C9orf85: variants seen among roughly 807,000 people sequenced by gnomAD.
C9orf85 encodes uncharacterized protein C9orf85.
In C9orf85, 16 loss-of-function variants were observed where a neutral mutation model predicts 14.9. That is an observed-to-expected ratio of 1.08 (90% confidence interval 0.73 to 1.63). The LOEUF is 1.63. Among genes scored for constraint, C9orf85 ranks in the 40% most tolerant of loss-of-function variants. The pLI, the probability that C9orf85 is intolerant of heterozygous loss-of-function variation, is 0.00. For synonymous variants in C9orf85, 45 were observed against 56.8 expected, an observed-to-expected ratio of 0.79 and a Z score of 0.93; for missense variants, 172 against 186.1, an observed-to-expected ratio of 0.92 and a Z score of 0.44.
chr9:71,951,057 A>C (rs912531128), intron 2 of C9orf85, among the ~76,000 whole-genome samples: 1 of 152,174 alleles, frequency 6.6e-6, no homozygotes, highest in Non-Finnish European at 1.5e-5. Flanking sequence ...CATGGGAAAC[A>C]AAAATTTTAC....
At chr9:71,919,227 C>T (rs901583932) in intron 1 of C9orf85, among the ~76,000 whole-genome samples, 1 of 152,194 alleles carries the variant, frequency 6.6e-6, no homozygotes, top group African/African-American at 2.4e-5. Context: ...CCTGTCTCCC[C>T]ATGCCCAGAG....
chr9:71,918,618 G>A lies in C9orf85; in HGVS notation c.102+6782G>A, dbSNP rs935686323. 1.7e-5 allele frequency: 6 copies of A among 352,058 alleles called. No homozygotes were observed. In the East Asian group the frequency reaches 2.6e-4, roughly 15 times the overall value. 21.8% of individuals were successfully genotyped at this position (352,058 alleles called of 1,614,324 possible). On this transcript the variant is annotated intron_variant, in intron 1 of 3. Transcript: ENST00000334731. Reference sequence around the variant, plus strand: ...CCCCAACTCTCACATTACCACCTGAGTTCTGCCTCCTGTCAGATCAGCTCT... The same window carrying A: ...CCCCAACTCTCACATTACCACCTGAATTCTGCCTCCTGTCAGATCAGCTCT...
intron 2 of C9orf85, among the ~76,000 whole-genome samples, chr9:71,968,835 G>A (rs1334895535): frequency 1.3e-5 from 2 of 152,150 alleles, no homozygotes; most frequent in Non-Finnish European, 1.5e-5. Flanking sequence ...TCCCCTATTG[G>A]CTAGGGTTGG....
At chr9:71,940,543 A>G (rs1564089484) in intron 1 of C9orf85, among the ~76,000 whole-genome samples, 1 of 152,220 alleles carries the variant, frequency 6.6e-6, no homozygotes, top group African/African-American at 2.4e-5. Context: ...ATGAAATAAT[A>G]CTACATACCT....
chr9:71,947,461 TA>T (rs933844627), intron 2 of C9orf85, among the ~76,000 whole-genome samples: 2 of 152,178 alleles, frequency 1.3e-5, no homozygotes, highest in Non-Finnish European at 2.9e-5. Flanking sequence ...TATCAATTCT[TA>T]AAACGGATCA....
chr9:71,964,915 G>A (rs897826881), intron 2 of C9orf85, among the ~76,000 whole-genome samples: 4 of 152,202 alleles, frequency 2.6e-5, no homozygotes, highest in Admixed American at 1.3e-4. Context: ...ACTTAGCCGT[G>A]CAGGAACAAT....
downstream of C9orf85, chr9:71,983,776 G>A (rs1182919050): frequency 6.6e-6 from 1 of 152,180 alleles, no homozygotes; most frequent in Admixed American, 6.5e-5. Context: ...TCTGTATTGG[G>A]TCTATTGTGG....
At chr9:71,975,390 A>G (rs138331455), downstream of C9orf85, among the ~76,000 whole-genome samples, 210 of 151,666 alleles carry the variant, frequency 1.4e-3, 1 homozygote, top group Middle Eastern at 0.01. Context: ...GCAGTGAGCC[A>G]AGATCGCGCC....
intron 1 of C9orf85, among the ~76,000 whole-genome samples, chr9:71,912,381 GGACTTCTGTA>G (rs1827528463): frequency 6.6e-6 from 1 of 152,164 alleles, no homozygotes; most frequent in African/African-American, 2.4e-5. Flanking sequence ...ATCTTTAGCA[GGACTTCTGTA>G]AAGTCCTGCT....
chr9:71,912,240 C>T (rs1827522574), intron 1 of C9orf85, among the ~76,000 whole-genome samples: 3 of 152,126 alleles, frequency 2.0e-5, no homozygotes, highest in Admixed American at 2.0e-4. Flanking sequence ...ACCCCAAGCC[C>T]ATAGAGGAAA....
At chr9:71,967,290 ATTCAGTTTCCT>A (rs1349551235) in intron 2 of C9orf85, among the ~76,000 whole-genome samples, 1 of 152,166 alleles carries the variant, frequency 6.6e-6, no homozygotes, top group Non-Finnish European at 1.5e-5. Context: ...TCTTTTCTCT[ATTCAGTTTCCT>A]TTCTACTATC....
At chr9:71,968,113 G>GAGAGA (rs1822749959) in intron 2 of C9orf85, among the ~76,000 whole-genome samples, 1 of 149,728 alleles carries the variant, frequency 6.7e-6, no homozygotes, top group Admixed American at 6.7e-5. Flanking sequence ...GAGAGAGAGA[G>GAGAGA]AGAGAGTGCA....
intron 2 of C9orf85, among the ~76,000 whole-genome samples, chr9:71,967,708 C>A (rs1359485971): frequency 1.4e-5 from 2 of 140,232 alleles, no homozygotes; most frequent in Admixed American, 7.0e-5. Flanking sequence ...ATCTCTATGA[C>A]CTTTCTTTTT....
intron 1 of C9orf85, among the ~76,000 whole-genome samples, chr9:71,917,612 ACT>A (rs1827682355): frequency 1.3e-5 from 2 of 152,108 alleles, no homozygotes; most frequent in African/African-American, 2.4e-5. Context: ...ATGGAATACT[ACT>A]CTGCTATTTT....
At chr9:71,967,939 T>C (rs1335676980) in intron 2 of C9orf85, among the ~76,000 whole-genome samples, 1 of 152,160 alleles carries the variant, frequency 6.6e-6, no homozygotes, top group African/African-American at 2.4e-5. Context: ...AGAGTTGTTA[T>C]AAACGGATGT....
At chr9:71,963,022 C>T (rs1475541866) in intron 2 of C9orf85, among the ~76,000 whole-genome samples, 1 of 152,050 alleles carries the variant, frequency 6.6e-6, no homozygotes, top group African/African-American at 2.4e-5. Flanking sequence ...CGCCATTGCA[C>T]TCCAGCATGG....
At chr9:71,937,082 TAGATTTATC>T (rs1473352748) in intron 1 of C9orf85, among the ~76,000 whole-genome samples, 11 of 152,226 alleles carry the variant, frequency 7.2e-5, no homozygotes, top group African/African-American at 2.7e-4. Context: ...AAAGTTGCGA[TAGATTTATC>T]AGCGCAGTGT....
intron 1 of C9orf85, among the ~76,000 whole-genome samples, chr9:71,920,592 G>A (rs1827771963): frequency 6.6e-6 from 1 of 152,070 alleles, no homozygotes; most frequent in African/African-American, 2.4e-5. Flanking sequence ...TTAAGCCTCA[G>A]GACTCCACAC....
chr9:71,971,766 G>A lies in C9orf85; in HGVS notation c.323+148G>A, dbSNP rs1377637923. 9.5e-6 allele frequency: 5 copies of A among 527,134 alleles called. No individual in the cohort carries two copies. In the East Asian group the frequency reaches 1.7e-4, roughly 18 times the overall value. The allele number at this position is 527,134 out of a possible 1,614,324, so 32.7% of individuals were successfully genotyped here. A position where few individuals can be genotyped will look rare whatever the true frequency, so the allele number is the denominator to read the frequency against. On this transcript the variant is annotated intron_variant, in intron 3 of 3. Coordinates refer to ENST00000334731, the MANE Select transcript of C9orf85 (RefSeq NM_182505.5). ...AGGCAGGTGGATCACGAGGTCAGGA[G>A]TTCAAGACCAGACTGGCCAAGATGG...
Sources: gnomAD v4.1 joint callset for allele counts (sites outside exome capture counted in the v4.1 genomes callset) on GRCh38, gnomAD v4.1.1 for gene constraint, MANE v1.5 for transcripts, NCBI Gene and HGNC (gene_info 2026-07-23, HGNC 2026-07-21) for gene names.